KIAA0825: variants seen among roughly 807,000 people sequenced by gnomAD.
KIAA0825 encodes the protein uncharacterized protein KIAA0825.
In KIAA0825, 119 loss-of-function variants were observed where a neutral mutation model predicts 147.6. The observed-to-expected ratio is 0.81, with a 90% CI of 0.69 to 0.94. The LOEUF (loss-of-function observed/expected upper bound fraction) is 0.94, where lower values mean the gene tolerates loss of function less well. Ranked by LOEUF, KIAA0825 falls within the 40% of genes least tolerant of loss-of-function variation. The pLI is 0.00. For missense variants in KIAA0825, 1,381 were observed against 1,472.7 expected (o/e 0.94, Z 1.02); for synonymous variants, 470 against 518.1 (o/e 0.91, Z 1.26).
chr5:94,468,211 C>T (rs766764516), intron 10 of KIAA0825, among the ~76,000 whole-genome samples: 2 of 152,208 alleles, frequency 1.3e-5, no homozygotes, highest in Non-Finnish European at 2.9e-5. Flanking sequence ...GTTCTCAATG[C>T]ATCCACTTAT....
intron 20 of KIAA0825, among the ~76,000 whole-genome samples, chr5:94,375,467 A>C (rs1021612364): frequency 2.6e-5 from 4 of 152,086 alleles, no homozygotes; most frequent in African/African-American, 7.2e-5. Flanking sequence ...GGTGTTATTA[A>C]TGTGCTGAAG....
intron 2 of KIAA0825, among the ~76,000 whole-genome samples, chr5:94,564,276 A>G (rs1194187857): frequency 1.5e-5 from 2 of 133,882 alleles, no homozygotes; most frequent in African/African-American, 5.8e-5. Context: ...GAATGGCATG[A>G]TCATAGCCTA....
At chr5:94,609,968 G>A (rs559372623) in intron 1 of KIAA0825, among the ~76,000 whole-genome samples, 3 of 152,154 alleles carry the variant, frequency 2.0e-5, no homozygotes, top group Non-Finnish European at 2.9e-5. Flanking sequence ...GAGCATTTCC[G>A]ATGGCTAGCA....
At chr5:94,259,352 T>C (rs1328861434) in intron 20 of KIAA0825, among the ~76,000 whole-genome samples, 1 of 152,090 alleles carries the variant, frequency 6.6e-6, no homozygotes, top group Admixed American at 6.6e-5. Flanking sequence ...AATTGAAAAG[T>C]GATCATCTTC....
At chr5:94,324,805 T>A (rs1780524814) in intron 20 of KIAA0825, among the ~76,000 whole-genome samples, 2 of 151,528 alleles carry the variant, frequency 1.3e-5, no homozygotes, top group Admixed American at 6.6e-5. Flanking sequence ...TTCATAAGAA[T>A]CTTCTAGTAA....
intron 1 of KIAA0825, among the ~76,000 whole-genome samples, chr5:94,584,180 A>G (rs902589744): frequency 6.6e-6 from 1 of 152,186 alleles, no homozygotes; most frequent in Non-Finnish European, 1.5e-5. Context: ...AACTGGATGG[A>G]GAATGAGTTT....
intron 5 of KIAA0825, among the ~76,000 whole-genome samples, chr5:94,504,967 C>A (rs6885237): frequency 0.013 from 1,923 of 151,750 alleles, 35 homozygotes; most frequent in African/African-American, 0.043. Flanking sequence ...AGGATGGTCT[C>A]GAACTCCTGA....
Position 94,453,081 on chromosome 5 carries a change from C to G in KIAA0825, c.2247-12G>C, listed in dbSNP as rs753410240. 1 of 1,356,560 alleles carries G rather than the reference C, an allele frequency of 7.4e-7. No individual in the cohort carries two copies. The highest frequency in any genetic ancestry group is 2.7e-5 in the East Asian group (1 of 37,284). The allele number at this position is 1,356,560 out of a possible 1,614,324, so 84.0% of individuals were successfully genotyped here. On this transcript the variant is annotated splice_polypyrimidine_tract_variant and intron_variant, in intron 12 of 20. Transcript: ENST00000682413. Reference sequence around the variant, plus strand: ...CATGCTGAAAAGTCCTAGGGAAATACAAATAATTAGTTTAGAATATACAGG... The same window carrying G: ...CATGCTGAAAAGTCCTAGGGAAATAGAAATAATTAGTTTAGAATATACAGG...
chr5:94,555,167 G>C (rs968368184), intron 2 of KIAA0825, among the ~76,000 whole-genome samples: 1 of 152,050 alleles, frequency 6.6e-6, no homozygotes, highest in Non-Finnish European at 1.5e-5. Context: ...AGGGTTGCCT[G>C]AAATTTCTTT....
At chr5:94,245,790 G>T (rs1031190096) in intron 20 of KIAA0825, among the ~76,000 whole-genome samples, 7 of 152,182 alleles carry the variant, frequency 4.6e-5, no homozygotes, top group Admixed American at 4.6e-4. Flanking sequence ...TCACCTTTGA[G>T]TATAAAAGAG....
intron 20 of KIAA0825, among the ~76,000 whole-genome samples, chr5:94,353,737 T>C (rs570456835): frequency 2.4e-4 from 37 of 152,240 alleles, no homozygotes; most frequent in African/African-American, 8.4e-4. Context: ...TTCTAGTCTT[T>C]GACCACAGGA....
At chr5:94,566,858 T>C (rs1013298887) in intron 2 of KIAA0825, among the ~76,000 whole-genome samples, 2 of 152,196 alleles carry the variant, frequency 1.3e-5, no homozygotes, top group African/African-American at 2.4e-5. Context: ...AATACATAAA[T>C]ATTTTAGCTC....
At chr5:94,328,057 T>A (rs1275017702) in intron 20 of KIAA0825, among the ~76,000 whole-genome samples, 1 of 152,200 alleles carries the variant, frequency 6.6e-6, no homozygotes. Flanking sequence ...CAATATTTAA[T>A]ATGTATGTCA....
At chr5:94,241,456 A>G (rs1775339306) in intron 20 of KIAA0825, among the ~76,000 whole-genome samples, 1 of 152,092 alleles carries the variant, frequency 6.6e-6, no homozygotes, top group Non-Finnish European at 1.5e-5. Context: ...TCTTGTTCTT[A>G]TTTTCCCAGA....
intron 20 of KIAA0825, among the ~76,000 whole-genome samples, chr5:94,271,337 G>A (rs958244963): frequency 6.6e-6 from 1 of 152,146 alleles, no homozygotes; most frequent in East Asian, 1.9e-4. Context: ...ACAACCCACA[G>A]AATGAGAGAA....
chr5:94,535,784 GTTTC>G (rs1248091886), intron 3 of KIAA0825, among the ~76,000 whole-genome samples: 1 of 152,204 alleles, frequency 6.6e-6, no homozygotes, highest in Non-Finnish European at 1.5e-5. Flanking sequence ...ATACAAAAAA[GTTTC>G]TTTCTCCTCA....
chr5:94,327,371 T>C (rs1780803434), intron 20 of KIAA0825, among the ~76,000 whole-genome samples: 1 of 152,144 alleles, frequency 6.6e-6, no homozygotes, highest in Non-Finnish European at 1.5e-5. Context: ...AACTGTCCTT[T>C]AGATTTTATT....
At chr5:94,357,332 T>C (rs1046247371) in intron 20 of KIAA0825, among the ~76,000 whole-genome samples, 1 of 152,032 alleles carries the variant, frequency 6.6e-6, no homozygotes, top group African/African-American at 2.4e-5. Flanking sequence ...AGAAAAGGTT[T>C]TTAGAATAAA....
chr5:94,278,083 A>G (rs1777299624), intron 20 of KIAA0825, among the ~76,000 whole-genome samples: 1 of 152,088 alleles, frequency 6.6e-6, no homozygotes, highest in African/African-American at 2.4e-5. Context: ...GGACACAGGG[A>G]GGGGAACATC....
Sources: allele counts gnomAD v4.1 joint callset (sites outside exome capture counted in the v4.1 genomes callset), GRCh38; gene constraint gnomAD v4.1.1; transcripts MANE v1.5; gene names NCBI Gene and HGNC (gene_info 2026-07-23, HGNC 2026-07-21).